Variants in PCED1B observed in about 807,000 individuals in gnomAD.
PCED1B encodes the protein PC-esterase domain-containing protein 1B.
For missense variants in PCED1B, 573 were observed against 573.9 expected (o/e 1.00, Z 0.02); for synonymous variants, 251 against 246.1 (o/e 1.02, Z -0.19).
intron 2 of PCED1B, among the ~76,000 whole-genome samples, chr12:47,169,488 G>A (rs1035168499): frequency 1.3e-5 from 2 of 152,078 alleles, no homozygotes; most frequent in Non-Finnish European, 2.9e-5. Flanking sequence ...GGGGTAGTAT[G>A]TCCTAAACCC....
In PCED1B at chr12:47,108,902, A is replaced by C. The variant is rs549084355; in HGVS notation, c.-526+4707A>C. Among the ~76,000 whole-genome samples, 112 of 152,280 alleles carry C rather than the reference A, an allele frequency of 7.4e-4. 1 individual carries two copies. The highest frequency in any genetic ancestry group is 2.6e-3 in the African/African-American group (109 of 41,546). On this transcript the variant is annotated intron_variant, in intron 2 of 3. Transcript: ENST00000546455. ...GTCTCTACAAAAAATAATAGTAATA[A>C]TTTTACAAGTATGTAATACTTCGGG...
At chr12:47,228,080 C>T (rs951601726) in intron 3 of PCED1B, among the ~76,000 whole-genome samples, 42 of 150,288 alleles carry the variant, frequency 2.8e-4, no homozygotes, top group African/African-American at 9.1e-4. Flanking sequence ...GTTGCCCAGG[C>T]TGGAGTTCAG....
At chr12:47,217,382 G>T (rs1292394063) in intron 3 of PCED1B, among the ~76,000 whole-genome samples, 1 of 145,802 alleles carries the variant, frequency 6.9e-6, no homozygotes, top group Non-Finnish European at 1.5e-5. Context: ...TTGGGCAACA[G>T]AGTGAGACAA....
intron 1 of PCED1B, 74 bp downstream of exon 1, chr12:47,079,799 G>A (rs1000071932): frequency 2.7e-5 from 4 of 149,850 alleles, no homozygotes; most frequent in Admixed American, 6.6e-5. Context: ...GGCCGCGGGA[G>A]GGGGCGCAGG....
At chr12:47,188,575 A>T (rs952349818) in intron 2 of PCED1B, among the ~76,000 whole-genome samples, 5 of 152,220 alleles carry the variant, frequency 3.3e-5, no homozygotes, top group African/African-American at 1.2e-4. Context: ...ACTGCTTCTC[A>T]GAGTTAAGGA....
At chr12:47,133,236 G>A (rs1940205949) in intron 2 of PCED1B, among the ~76,000 whole-genome samples, 2 of 152,128 alleles carry the variant, frequency 1.3e-5, no homozygotes, top group Non-Finnish European at 2.9e-5. Context: ...CATGATGTCT[G>A]CAAACACATT....
intron 2 of PCED1B, among the ~76,000 whole-genome samples, chr12:47,203,012 C>T (rs2137719841): frequency 6.6e-6 from 1 of 150,972 alleles, no homozygotes; most frequent in African/African-American, 2.4e-5. Flanking sequence ...CTCTGTTGCC[C>T]AGGCTGGAGT....
chr12:47,149,961 A>G (rs886857317), intron 2 of PCED1B, among the ~76,000 whole-genome samples: 5 of 152,134 alleles, frequency 3.3e-5, no homozygotes, highest in Admixed American at 1.3e-4. Context: ...CCATCCCCTC[A>G]AGCATTTATA....
intron 2 of PCED1B, among the ~76,000 whole-genome samples, chr12:47,109,570 A>C (rs115811814): frequency 0.011 from 1,634 of 152,248 alleles, 38 homozygotes; most frequent in African/African-American, 0.038. Flanking sequence ...AATTCAAAAA[A>C]TGTAATGGTT....
At chr12:47,100,382 A>G (rs1330493817) in intron 1 of PCED1B, among the ~76,000 whole-genome samples, 2 of 152,232 alleles carry the variant, frequency 1.3e-5, no homozygotes, top group African/African-American at 4.8e-5. Context: ...CAACTGAATC[A>G]TCCATCCATC....
At chr12:47,168,183 A>G (rs1941605051) in intron 2 of PCED1B, among the ~76,000 whole-genome samples, 2 of 152,310 alleles carry the variant, frequency 1.3e-5, no homozygotes, top group African/African-American at 4.8e-5. Flanking sequence ...ACTTATCACA[A>G]TCTATCTGGT....
intron 2 of PCED1B, among the ~76,000 whole-genome samples, chr12:47,112,046 C>A (rs1439527527): frequency 6.6e-6 from 1 of 152,162 alleles, no homozygotes; most frequent in African/African-American, 2.4e-5. Context: ...GCTGCCAACC[C>A]CCAGCCCACG....
At chr12:47,091,438 A>G (rs1419210820) in intron 1 of PCED1B, among the ~76,000 whole-genome samples, 3 of 152,022 alleles carry the variant, frequency 2.0e-5, no homozygotes, top group African/African-American at 4.8e-5. Flanking sequence ...TTAATCATAT[A>G]TATGTGTGTT....
chr12:47,151,132 T>TACAC (rs1421367557), intron 2 of PCED1B, among the ~76,000 whole-genome samples: 1 of 94,190 alleles, frequency 1.1e-5, no homozygotes, highest in South Asian at 4.5e-4. Flanking sequence ...CTATATATAA[T>TACAC]ATATACACAC....
chr12:47,128,729 A>G (rs1234055309), intron 2 of PCED1B, among the ~76,000 whole-genome samples: 2 of 152,228 alleles, frequency 1.3e-5, no homozygotes. Context: ...ACTGTCATGC[A>G]TTTGAGATTC....
intron 2 of PCED1B, among the ~76,000 whole-genome samples, chr12:47,192,497 G>A (rs1554693): frequency 0.21 from 31,899 of 152,004 alleles, 4,321 homozygotes; most frequent in Non-Finnish European, 0.31. Flanking sequence ...CTTTCCTTTG[G>A]GAAAAGTCAC....
chr12:47,216,597 A>C lies in PCED1B; in HGVS notation c.-150A>C, dbSNP rs1259876411. On this transcript the variant is annotated 5_prime_UTR_variant, in exon 3 of 4. Coordinates refer to ENST00000546455, the MANE Select transcript of PCED1B (RefSeq NM_138371.3). ...AAGCTCTGAGATCTCCCGTCTGGTCACAATGATCTACAGGAGAGGAAGAAA... is the reference window on the plus strand; with the variant it reads ...AAGCTCTGAGATCTCCCGTCTGGTCCCAATGATCTACAGGAGAGGAAGAAA... The C allele has an allele frequency of 6.6e-6, 1 of 152,268 alleles. No homozygotes were observed. Among genetic ancestry groups the C allele is most frequent in the Admixed American group, 6.5e-5 (1 of 15,286 alleles). The allele number at this position is 152,268 out of a possible 1,614,324, so 9.4% of individuals were successfully genotyped here.
At chr12:47,151,625 A>C (rs900399960) in intron 2 of PCED1B, among the ~76,000 whole-genome samples, 1 of 152,238 alleles carries the variant, frequency 6.6e-6, no homozygotes, top group African/African-American at 2.4e-5. Context: ...CCAATGGTAT[A>C]ATTCCTGTCT....
At chr12:47,192,034 C>T (rs1413877199) in intron 2 of PCED1B, among the ~76,000 whole-genome samples, 2 of 151,316 alleles carry the variant, frequency 1.3e-5, no homozygotes, top group Non-Finnish European at 2.9e-5. Context: ...TAATTTGCCT[C>T]CTTTGTATAA....
Sources: gnomAD v4.1 joint callset for allele counts (sites outside exome capture counted in the v4.1 genomes callset) on GRCh38, gnomAD v4.1.1 for gene constraint, MANE v1.5 for transcripts, NCBI Gene and HGNC (gene_info 2026-07-23, HGNC 2026-07-21) for gene names.